Variants in UPRT observed in about 807,000 individuals in gnomAD.
The protein encoded by UPRT is uracil phosphoribosyltransferase homolog, also known as RP11-311P8.3.
Under a neutral mutation model 22.6 loss-of-function variants are expected in UPRT, and 5 were observed. The ratio of observed to expected loss-of-function variants is 0.22; its 90% CI spans 0.12 to 0.47. The LOEUF (loss-of-function observed/expected upper bound fraction) is 0.47. UPRT is among the 20% of genes least tolerant of loss of function. UPRT has a pLI of 0.99. For missense variants in UPRT, 181 were observed against 239.9 expected, an observed-to-expected ratio of 0.75 and a Z score of 1.62; for synonymous variants, 77 against 87.7, an observed-to-expected ratio of 0.88 and a Z score of 0.68.
intron 4 of UPRT, among the ~76,000 whole-genome samples, chrX:75,248,988 A>C (rs1340795452): frequency 1.8e-5 from 2 of 111,318 alleles, no homozygotes; most frequent in Admixed American, 9.6e-5. Context: ...GAAATAAAAT[A>C]CTTTACAGAC....
intron 4 of UPRT, among the ~76,000 whole-genome samples, chrX:75,232,108 G>T (rs1034792017): frequency 3.6e-5 from 4 of 112,189 alleles, no homozygotes; most frequent in Non-Finnish European, 5.6e-5. Flanking sequence ...GAAGCAGGGC[G>T]AGGCATTGCC....
At chrX:75,198,148 A>G (rs1247375258) in intron 4 of UPRT, among the ~76,000 whole-genome samples, 1 of 112,851 alleles carries the variant, frequency 8.9e-6, no homozygotes, top group African/African-American at 3.2e-5. Flanking sequence ...CACACAATAA[A>G]ATACTACCCA....
intron 4 of UPRT, among the ~76,000 whole-genome samples, chrX:75,259,464 C>A (rs1009277947): frequency 3.7e-5 from 4 of 107,773 alleles, no homozygotes; most frequent in Non-Finnish European, 7.6e-5. Flanking sequence ...TTGAAGCATA[C>A]ACGAGTATCA....
chrX:75,301,157 A>C (rs2082743063), intron 6 of UPRT, 192 bp downstream of exon 6: 1 of 326,932 alleles, frequency 3.1e-6, no homozygotes. Flanking sequence ...TCTAATGTTC[A>C]AATGCAAATG....
chrX:75,249,545 C>G (rs1033852830), intron 4 of UPRT, among the ~76,000 whole-genome samples: 2 of 111,346 alleles, frequency 1.8e-5, no homozygotes, highest in Admixed American at 1.9e-4. Context: ...TACAGGAGCA[C>G]CCAGATTCAT....
intron 5 of UPRT, among the ~76,000 whole-genome samples, chrX:75,300,567 G>A (rs758374005): frequency 4.5e-5 from 5 of 111,374 alleles, no homozygotes; most frequent in Non-Finnish European, 9.4e-5. Flanking sequence ...TGGAAGGATC[G>A]CTTGAGCCCA....
intron 1 of UPRT, among the ~76,000 whole-genome samples, chrX:75,282,145 G>T (rs775353212): frequency 9.1e-6 from 1 of 110,245 alleles, no homozygotes; most frequent in Non-Finnish European, 1.9e-5. Flanking sequence ...AGGTCATTTG[G>T]ATTTTCTCTC....
At chrX:75,206,978 A>C (rs1321782447) in intron 4 of UPRT, among the ~76,000 whole-genome samples, 1 of 112,360 alleles carries the variant, frequency 8.9e-6, no homozygotes, top group Non-Finnish European at 1.9e-5. Flanking sequence ...ATGGGGTTTT[A>C]AGAGCTGCCT....
intron 4 of UPRT, among the ~76,000 whole-genome samples, chrX:75,193,982 G>C (rs1423533000): frequency 8.9e-6 from 1 of 111,964 alleles, no homozygotes; most frequent in Non-Finnish European, 1.9e-5. Context: ...ACCTGGTTAA[G>C]AACTATTTCT....
intron 4 of UPRT, among the ~76,000 whole-genome samples, chrX:75,208,921 G>A (rs1189049605): frequency 2.7e-5 from 3 of 111,641 alleles, no homozygotes; most frequent in Non-Finnish European, 3.8e-5. Flanking sequence ...TGAGGGGGAG[G>A]AGAGGGAAGC....
chrX:75,254,901 G>A (rs960849154), intron 4 of UPRT, among the ~76,000 whole-genome samples: 2 of 107,316 alleles, frequency 1.9e-5, no homozygotes, highest in African/African-American at 3.4e-5. Flanking sequence ...TCAGCCTCCC[G>A]AGTAGCTGGG....
chrX:75,175,377 C>A (rs1273097578), intron 4 of UPRT, among the ~76,000 whole-genome samples: 2 of 112,280 alleles, frequency 1.8e-5, no homozygotes, highest in African/African-American at 3.2e-5. Flanking sequence ...CTCCCAATTA[C>A]AACTGATGAG....
Position 75,274,653 on chromosome X carries a change from CG to C in UPRT, c.386+15del, listed in dbSNP as rs1471503746. On this transcript the variant is annotated intron_variant, in intron 1 of 6. Transcript: ENST00000373383. ...TCATCCGTGACAAGTAAGCCAAGAG[CG>C]GAAGGGGAAAGGGAAGTGGAGGGTC... 1 of 1,178,003 alleles carries C rather than the reference CG, an allele frequency of 8.5e-7. No homozygotes were observed. Among genetic ancestry groups the C allele is most frequent in the Admixed American group, 2.3e-5 (1 of 42,960 alleles).
At chrX:75,214,956 AAC>A (rs56673150) in intron 4 of UPRT, among the ~76,000 whole-genome samples, 1,135 of 98,179 alleles carry the variant, frequency 0.012, 12 homozygotes, top group African/African-American at 0.036. Context: ...AAGTATTCTC[AAC>A]ACACACACAC....
At chrX:75,265,866 T>C (rs1211218688) in intron 4 of UPRT, among the ~76,000 whole-genome samples, 1 of 111,423 alleles carries the variant, frequency 9.0e-6, no homozygotes, top group African/African-American at 3.3e-5. Context: ...GGTGTGGATG[T>C]CCTTTCTTTT....
chrX:75,165,692 A>G (rs2082211286), intron 3 of UPRT, among the ~76,000 whole-genome samples: 1 of 112,221 alleles, frequency 8.9e-6, no homozygotes, highest in African/African-American at 3.2e-5. Context: ...TTGAAAGGTG[A>G]AACAGATGAT....
Position 75,236,417 on chromosome X carries a change from A to G in UPRT, c.-446-54607A>G, listed in dbSNP as rs947149977. 2.7e-5 allele frequency among the ~76,000 whole-genome samples: 3 copies of G among 111,619 alleles called. No individual in the cohort carries two copies. In the Admixed American group the frequency reaches 2.9e-4, roughly 11 times the overall value. ...CAATGCCATCCCCATCAAGCTACCA[A>G]TGACTTTCTTCACAGAATTGGAAAA... On this transcript the variant is annotated intron_variant, in intron 4 of 13. Coordinates refer to the UPRT transcript ENST00000652605.
intron 4 of UPRT, among the ~76,000 whole-genome samples, chrX:75,231,646 C>T (rs1333883917): frequency 9.0e-6 from 1 of 111,719 alleles, no homozygotes. Context: ...GGAACACAGT[C>T]ATCAGGTTAT....
intron 4 of UPRT, among the ~76,000 whole-genome samples, chrX:75,191,565 A>G (rs1325192225): frequency 2.7e-5 from 3 of 111,520 alleles, no homozygotes; most frequent in African/African-American, 9.8e-5. Context: ...CCAGAGGTGA[A>G]GTCTACAGAG....
Sources: gnomAD v4.1 joint callset for allele counts (sites outside exome capture counted in the v4.1 genomes callset) on GRCh38, gnomAD v4.1.1 for gene constraint, MANE v1.5 for transcripts, NCBI Gene and HGNC (gene_info 2026-07-23, HGNC 2026-07-21) for gene names.